Variants in PAK2 observed in about 807,000 individuals in gnomAD.
The protein encoded by PAK2 is serine/threonine-protein kinase PAK 2.
A neutral mutation model predicts 65.9 loss-of-function variants in PAK2; 21 were observed. The observed-to-expected ratio is 0.32, with a 90% CI of 0.23 to 0.46. The LOEUF (loss-of-function observed/expected upper bound fraction) is 0.46, where lower values mean the gene tolerates loss of function less well. PAK2 is among the 20% of genes least tolerant of loss of function. The pLI, the probability that PAK2 is intolerant of heterozygous loss-of-function variation, is 1.00. For synonymous variants in PAK2, 204 were observed against 219.7 expected (o/e 0.93, Z 0.63); for missense variants, 324 against 642.6 (o/e 0.50, Z 5.36).
At chr3:196,778,422 G>T (rs1714604158) in intron 1 of PAK2, among the ~76,000 whole-genome samples, 1 of 152,334 alleles carries the variant, frequency 6.6e-6, no homozygotes, top group Non-Finnish European at 1.5e-5. Context: ...GAATTGCGGG[G>T]TCGCATAGTA....
Position 196,755,842 on chromosome 3 carries a change from G to A in PAK2, c.-22+15685G>A, listed in dbSNP as rs560528572. On this transcript the variant is annotated intron_variant, in intron 1 of 14. Coordinates refer to ENST00000327134, the MANE Select transcript of PAK2 (RefSeq NM_002577.4). ...ATGATCTTGGCTCACTGCAACCTCC[G>A]CCTCCTGGGTTCAGGCGATTCTGCT... is the stretch of plus-strand genomic sequence containing the variant. Among the ~76,000 whole-genome samples the A allele has an allele frequency of 1.1e-4, 16 of 151,554 alleles. No individual in the cohort carries two copies. The East Asian group carries it at 2.1e-3, about 20-fold the overall frequency.
At chr3:196,796,519 T>C (rs1249499385) in intron 2 of PAK2, among the ~76,000 whole-genome samples, 1 of 152,196 alleles carries the variant, frequency 6.6e-6, no homozygotes, top group African/African-American at 2.4e-5. Context: ...GTGATTATGA[T>C]TGCACAACTC....
intron 1 of PAK2, among the ~76,000 whole-genome samples, chr3:196,756,709 G>A (rs949164540): frequency 1.5e-4 from 23 of 152,216 alleles, no homozygotes; most frequent in African/African-American, 5.3e-4. Context: ...GATGGCACGC[G>A]CCTGTAGTCC....
At chr3:196,817,857 T>C (rs1711523177) in intron 11 of PAK2, among the ~76,000 whole-genome samples, 200 bp from the exon 12 acceptor site, 1 of 152,188 alleles carries the variant, frequency 6.6e-6, no homozygotes, top group South Asian at 2.1e-4. Flanking sequence ...TTTTATTTTC[T>C]TATATAAAAC....
chr3:196,755,087 A>T (rs894458880), intron 1 of PAK2, among the ~76,000 whole-genome samples: 1 of 152,214 alleles, frequency 6.6e-6, no homozygotes, highest in Non-Finnish European at 1.5e-5. Context: ...CAAAGATCTC[A>T]TATAAATTGT....
In PAK2 at chr3:196,805,376, C is replaced by T. The variant is rs758664013; in HGVS notation, c.461C>T (p.Thr154Ile). The T allele has an allele frequency of 7.0e-7, 1 of 1,425,998 alleles. No homozygotes were observed. The highest frequency in any genetic ancestry group is 1.3e-5 in the South Asian group (1 of 77,114). 88.3% of individuals were successfully genotyped at this position (1,425,998 alleles called of 1,614,324 possible). The part of the protein sequence containing the change: ...PPEKDGFPSG[T>I]PALNAKGTEA... ...GAGAAAGATGGCTTTCCTTCTGGAA[C>T]ACCAGCAGTAAGTTAATTATATTAT... is the stretch of plus-strand genomic sequence containing the variant. Residue 154 changes from threonine to isoleucine, a missense_variant, in exon 5 of 15, where the codon ACA becomes ATA. Thr to Ile is a moderately conservative substitution (Grantham distance 89). Around this residue, in one of 5 missense-constraint regions of PAK2, gnomAD observed 183 missense variants for 246.2 expected, o/e 0.74. Transcript: ENST00000327134.
intron 12 of PAK2, among the ~76,000 whole-genome samples, chr3:196,818,909 TATAAG>T (rs1302957529): frequency 2.6e-5 from 4 of 152,206 alleles, no homozygotes; most frequent in African/African-American, 9.7e-5. Flanking sequence ...TTTTAATTCT[TATAAG>T]GTACTTAAAC....
Position 196,782,842 on chromosome 3 carries a change from C to T in PAK2, c.187+9C>T, listed in dbSNP as rs200995576. The T allele has an allele frequency of 1.6e-5, 25 of 1,585,412 alleles. No homozygotes were observed. Among genetic ancestry groups the T allele is most frequent in the South Asian group, 3.4e-5 (3 of 88,620 alleles). ...CTCAGGCACAGAGAAAGGTAAATAG[C>T]GCTTCTGGCTTTCAGAGTCTCAGCA... On this transcript the variant is annotated intron_variant, in intron 2 of 14. Coordinates refer to ENST00000327134, the MANE Select transcript of PAK2 (RefSeq NM_002577.4).
intron 1 of PAK2, among the ~76,000 whole-genome samples, chr3:196,771,216 G>A (rs1577710864): frequency 6.6e-6 from 1 of 152,068 alleles, no homozygotes; most frequent in African/African-American, 2.4e-5. Flanking sequence ...ACACACTGAT[G>A]ATACTCCACT....
chr3:196,759,982 T>C (rs887767059), intron 1 of PAK2, among the ~76,000 whole-genome samples: 1 of 152,218 alleles, frequency 6.6e-6, no homozygotes, highest in African/African-American at 2.4e-5. Flanking sequence ...CTAATCTATT[T>C]TTTGTCTCAT....
chr3:196,815,245 C>T (rs1484886867), intron 11 of PAK2, among the ~76,000 whole-genome samples: 1 of 151,764 alleles, frequency 6.6e-6, no homozygotes, highest in East Asian at 1.9e-4. Context: ...AATCCTAGCA[C>T]TTTGGGAGGC....
intron 1 of PAK2, among the ~76,000 whole-genome samples, chr3:196,765,756 G>T (rs75728721): frequency 2.0e-5 from 3 of 152,140 alleles, no homozygotes; most frequent in Non-Finnish European, 4.4e-5. Flanking sequence ...TTGGCTTTCA[G>T]TATGCAACTT....
At chr3:196,793,083 G>A (rs1412971270) in intron 2 of PAK2, among the ~76,000 whole-genome samples, 1 of 152,126 alleles carries the variant, frequency 6.6e-6, no homozygotes, top group Non-Finnish European at 1.5e-5. Context: ...TGAGGAGAAG[G>A]GGGATTAGTT....
At chr3:196,821,321 T>A (rs1022947268) in intron 13 of PAK2, among the ~76,000 whole-genome samples, 5 of 144,004 alleles carry the variant, frequency 3.5e-5, no homozygotes, top group African/African-American at 1.3e-4. Flanking sequence ...GGTGAGACTC[T>A]GTCTCAGCAA....
At chr3:196,755,102 GTGGAGATTTGGGACAGACTACGT>G (rs992105477) in intron 1 of PAK2, among the ~76,000 whole-genome samples, 1 of 152,178 alleles carries the variant, frequency 6.6e-6, no homozygotes, top group African/African-American at 2.4e-5. Flanking sequence ...AATTGTATTG[GTGGAGATTTGGGACAGACTACGT>G]TGGAGATTTC....
At position 196,812,644 on chromosome 3, in the gene PAK2, C is replaced by T. The variant is rs1309452114; in HGVS notation, c.823-95C>T. 1.2e-5 allele frequency: 8 copies of T among 646,480 alleles called. 1 individual carries two copies. The highest frequency in any genetic ancestry group is 8.2e-4 in the Middle Eastern group (2 of 2,430). 40.0% of individuals were successfully genotyped at this position (646,480 alleles called of 1,614,324 possible). A position where few individuals can be genotyped will look rare whatever the true frequency, so the allele number is the denominator to read the frequency against. The stretch of plus-strand genomic sequence containing the variant: ...CTGGGAGTAATAGCATGGTGTAATA[C>T]AGTACACGTACCGTGAGTTATCAAC... On this transcript the variant is annotated intron_variant, in intron 9 of 14. Transcript: ENST00000327134.
At chr3:196,801,902 T>C (rs993744086) in intron 2 of PAK2, 25 bp from the exon 3 acceptor site, 2 of 1,165,802 alleles carry the variant, frequency 1.7e-6, no homozygotes, top group African/African-American at 3.0e-5. Context: ...GCTGATTCTT[T>C]CTCTTTTTTT....
rs115278320 is a variant in PAK2 at position 196,799,548 on chromosome 3, G to C, written c.188-2379G>C. 1.0e-3 allele frequency among the ~76,000 whole-genome samples: 153 copies of C among 152,304 alleles called. 1 individual carries two copies. Among genetic ancestry groups the C allele is most frequent in the African/African-American group, 3.6e-3 (150 of 41,566 alleles). ...TCTCCTGCTCTCTTTCTTGCAATGT[G>C]ATGCCTTCGGCTACGTTATGACACA... is the stretch of plus-strand genomic sequence containing the variant. On this transcript the variant is annotated intron_variant, in intron 2 of 14. Transcript: ENST00000327134.
intron 11 of PAK2, among the ~76,000 whole-genome samples, chr3:196,815,248 TGGGA>T (rs901606621): frequency 5.9e-5 from 9 of 151,822 alleles, no homozygotes; most frequent in African/African-American, 2.2e-4. Context: ...CCTAGCACTT[TGGGA>T]GGCCAAGGCA....
Sources: allele counts gnomAD v4.1 joint callset (sites outside exome capture counted in the v4.1 genomes callset), GRCh38; gene constraint gnomAD v4.1.1; regional missense constraint gnomAD v4.1.1; transcripts MANE v1.5; gene names NCBI Gene and HGNC (gene_info 2026-07-23, HGNC 2026-07-21).